Variants in ASIC2 observed in about 807,000 individuals in gnomAD.
ASIC2 encodes the protein acid-sensing ion channel 2.
ASIC2 carries 25 observed loss-of-function variants against 57.3 expected under a neutral mutation model. The ratio of observed to expected loss-of-function variants is 0.44; its 90% CI spans 0.32 to 0.61. The LOEUF (loss-of-function observed/expected upper bound fraction) is 0.61. Among genes scored for constraint, ASIC2 ranks in the 20% least tolerant of loss-of-function variants. The pLI, the probability that ASIC2 is intolerant of heterozygous loss-of-function variation, is 0.06. For missense variants in ASIC2, 641 were observed against 738.1 expected (o/e 0.87, Z 1.52); for synonymous variants, 319 against 307.5 (o/e 1.04, Z -0.39).
intron 1 of ASIC2, among the ~76,000 whole-genome samples, chr17:33,288,826 A>G (rs1245857835): frequency 1.3e-5 from 2 of 152,218 alleles, no homozygotes; most frequent in Non-Finnish European, 2.9e-5. Context: ...GAATAGAGAG[A>G]TTAAGTCACT....
At chr17:33,218,010 T>C (rs1907559228) in intron 1 of ASIC2, among the ~76,000 whole-genome samples, 1 of 152,238 alleles carries the variant, frequency 6.6e-6, no homozygotes, top group Non-Finnish European at 1.5e-5. Flanking sequence ...CCCAGCCTTG[T>C]GATATTTCTG....
chr17:34,096,531 A>T (rs1446607362), intron 1 of ASIC2, among the ~76,000 whole-genome samples: 2 of 152,124 alleles, frequency 1.3e-5, no homozygotes, highest in Non-Finnish European at 2.9e-5. Context: ...GTTATGGAAA[A>T]ATCCCATTGA....
intron 1 of ASIC2, among the ~76,000 whole-genome samples, chr17:33,712,290 T>G (rs1303699801): frequency 1.3e-5 from 2 of 152,184 alleles, no homozygotes; most frequent in Non-Finnish European, 2.9e-5. Flanking sequence ...GTAGCTTTTC[T>G]AAGTCACTGT....
rs140986266 is a variant in ASIC2, at chr17:34,053,325, G to GA, written c.555+102652dup. 5.8e-3 allele frequency among the ~76,000 whole-genome samples: 890 copies of GA among 152,268 alleles called. 10 individuals are homozygous for GA. The highest frequency in any genetic ancestry group is 0.02 in the African/African-American group (845 of 41,548). ...AGAGCTCCCTGTGCTGAAGACACTG[G>GA]AAATGCTCTCCCAGGCCTTAGTGCC... On this transcript the variant is annotated intron_variant, in intron 1 of 9. Coordinates refer to the ASIC2 transcript ENST00000359872.
intron 1 of ASIC2, among the ~76,000 whole-genome samples, chr17:33,927,785 G>T (rs948709685): frequency 6.6e-6 from 1 of 152,050 alleles, no homozygotes; most frequent in Non-Finnish European, 1.5e-5. Flanking sequence ...AATCAGTTTC[G>T]CTGCTTTTAT....
At chr17:34,137,197 A>G (rs1320487300) in intron 1 of ASIC2, among the ~76,000 whole-genome samples, 6 of 152,234 alleles carry the variant, frequency 3.9e-5, no homozygotes, top group Non-Finnish European at 7.3e-5. Context: ...GATTCCACTG[A>G]GAGCAGGGGA....
At chr17:33,035,756 C>T (rs561500046) in intron 3 of ASIC2, among the ~76,000 whole-genome samples, 14 of 152,314 alleles carry the variant, frequency 9.2e-5, no homozygotes, top group African/African-American at 3.4e-4. Flanking sequence ...CAACTGTTGT[C>T]ATCCCCCTGG....
intron 1 of ASIC2, among the ~76,000 whole-genome samples, chr17:33,162,333 TGGGCCAAAAA>T (rs1021771386): frequency 2.1e-4 from 32 of 152,198 alleles, no homozygotes; most frequent in Admixed American, 2.6e-4. Context: ...TTCAGCGTTT[TGGGCCAAAAA>T]GCATCGCCAC....
At chr17:33,440,236 A>G (rs1299944140) in intron 1 of ASIC2, among the ~76,000 whole-genome samples, 2 of 152,294 alleles carry the variant, frequency 1.3e-5, no homozygotes, top group South Asian at 4.1e-4. Context: ...CATACACATG[A>G]AAGTCTTTTG....
intron 1 of ASIC2, among the ~76,000 whole-genome samples, chr17:33,810,097 G>GA (rs979695119): frequency 1.1e-4 from 16 of 151,756 alleles, no homozygotes; most frequent in Non-Finnish European, 2.1e-4. Flanking sequence ...ATATGCATTT[G>GA]AAAAAAAATC....
chr17:33,777,829 CA>C (rs1911330559), intron 1 of ASIC2, among the ~76,000 whole-genome samples: 2 of 152,284 alleles, frequency 1.3e-5, no homozygotes, highest in East Asian at 3.9e-4. Context: ...GGGGTGGCAC[CA>C]AGTGCTTCTC....
At chr17:33,445,686 A>G (rs1567615451) in intron 1 of ASIC2, among the ~76,000 whole-genome samples, 1 of 151,648 alleles carries the variant, frequency 6.6e-6, no homozygotes, top group Non-Finnish European at 1.5e-5. Context: ...AATCCCAGCT[A>G]CTCGAGAGGC....
intron 1 of ASIC2, among the ~76,000 whole-genome samples, chr17:33,382,544 A>G (rs1328515601): frequency 6.6e-6 from 1 of 152,210 alleles, no homozygotes; most frequent in Non-Finnish European, 1.5e-5. Context: ...GAAGTCACAT[A>G]AGGAAAATAG....
chr17:33,948,689 A>G lies in ASIC2; in HGVS notation c.555+207289T>C, dbSNP rs374943190. On this transcript the variant is annotated intron_variant, in intron 1 of 9. Transcript: ENST00000359872. Reference sequence around the variant, plus strand: ...CGCTTAGTAGCTGTGGACTTCGGCAAATGACTTTTCCTCTTGGATCCTCAG... The same window carrying G: ...CGCTTAGTAGCTGTGGACTTCGGCAGATGACTTTTCCTCTTGGATCCTCAG... Among the ~76,000 whole-genome samples, 322 of 152,338 alleles carry G rather than the reference A, an allele frequency of 2.1e-3. 1 individual carries two copies. The highest frequency in any genetic ancestry group is 0.012 in the South Asian group (58 of 4,834).
At position 33,506,122 on chromosome 17, in the gene ASIC2, T is replaced by C. The variant is rs546868683; in HGVS notation, c.556-394055A>G. On this transcript the variant is annotated intron_variant, in intron 1 of 9. Coordinates refer to the ASIC2 transcript ENST00000359872. ...GAAATGAGGCTGGACAGGCTGGGTG[T>C]GGTGGCTCACGCCTGTAATCCCAGC... Among the ~76,000 whole-genome samples the C allele has an allele frequency of 1.1e-3, 164 of 150,798 alleles. 1 individual carries two copies. In the South Asian group the frequency reaches 0.021, roughly 19 times the overall value.
At chr17:33,147,746 A>C (rs977250141) in intron 1 of ASIC2, among the ~76,000 whole-genome samples, 1 of 152,188 alleles carries the variant, frequency 6.6e-6, no homozygotes, top group African/African-American at 2.4e-5. Context: ...GCTGGCATGC[A>C]GGGGAAGCAA....
At chr17:33,272,631 GCAT>G (rs1904543190) in intron 1 of ASIC2, among the ~76,000 whole-genome samples, 1 of 152,136 alleles carries the variant, frequency 6.6e-6, no homozygotes, top group East Asian at 1.9e-4. Flanking sequence ...GTCATCGTGA[GCAT>G]CATCACCATC....
At chr17:33,863,989 C>T (rs1414055241) in intron 1 of ASIC2, among the ~76,000 whole-genome samples, 3 of 151,806 alleles carry the variant, frequency 2.0e-5, no homozygotes, top group African/African-American at 4.8e-5. Flanking sequence ...CTGCAACCTC[C>T]ACCTCCCAGG....
intron 1 of ASIC2, among the ~76,000 whole-genome samples, chr17:33,419,400 C>A (rs543773268): frequency 6.6e-6 from 1 of 152,160 alleles, no homozygotes; most frequent in Non-Finnish European, 1.5e-5. Context: ...CATTCCCAGG[C>A]GGCACAAAGC....
Sources: allele counts gnomAD v4.1 joint callset (sites outside exome capture counted in the v4.1 genomes callset), GRCh38; gene constraint gnomAD v4.1.1; transcripts MANE v1.5; gene names NCBI Gene and HGNC (gene_info 2026-07-23, HGNC 2026-07-21).